Variants in MYO3B observed in about 807,000 individuals in gnomAD.
MYO3B encodes myosin-IIIb.
Under a neutral mutation model 174.6 loss-of-function variants are expected in MYO3B, and 156 were observed. The ratio of observed to expected loss-of-function variants is 0.89; its 90% CI spans 0.78 to 1.02. The LOEUF is 1.02. Among genes scored for constraint, MYO3B ranks in the 50% least tolerant of loss-of-function variants. The pLI is 0.00. For missense variants in MYO3B, 1,632 were observed against 1,639.4 expected (o/e 1.00, Z 0.08); for synonymous variants, 563 against 569.1 (o/e 0.99, Z 0.15).
chr2:170,478,070 C>T (rs890558367), intron 25 of MYO3B, among the ~76,000 whole-genome samples: 4 of 152,230 alleles, frequency 2.6e-5, no homozygotes, highest in African/African-American at 4.8e-5. Flanking sequence ...AAGGCAGCCA[C>T]GTCTCTACTA....
At chr2:170,415,056 A>G (rs977632601) in intron 22 of MYO3B, among the ~76,000 whole-genome samples, 6 of 152,084 alleles carry the variant, frequency 3.9e-5, no homozygotes, top group African/African-American at 1.4e-4. Context: ...TCCAATCTTA[A>G]TGCTTTTTAT....
At chr2:170,347,971 T>G (rs1308750925) in intron 8 of MYO3B, 1 of 152,214 alleles carries the variant, frequency 6.6e-6, no homozygotes, top group African/African-American at 2.4e-5. Context: ...ATATTTCATA[T>G]AAATGGAATC....
chr2:170,325,622 A>G (rs909280895), intron 7 of MYO3B, among the ~76,000 whole-genome samples: 5 of 152,208 alleles, frequency 3.3e-5, no homozygotes, highest in African/African-American at 1.2e-4. Context: ...ATGTATGCAG[A>G]TGGTGAGTTT....
In MYO3B at chr2:170,516,638, G is replaced by A. The variant is rs552249604; in HGVS notation, c.3472+1616G>A. 1.1e-4 allele frequency among the ~76,000 whole-genome samples: 14 copies of A among 125,568 alleles called. No homozygotes were observed. In the East Asian group the frequency reaches 2.5e-3, roughly 22 times the overall value. 82.4% of individuals were successfully genotyped at this position (125,568 alleles called of 152,430 possible). A position where few individuals can be genotyped will look rare whatever the true frequency, so the allele number is the denominator to read the frequency against. ...AGCCTGGGCAACAGAGCCAGACTCC[G>A]TCTCAAAAAAAAAAAAAAAAAATGT... On this transcript the variant is annotated intron_variant, in intron 29 of 34. Coordinates refer to ENST00000408978, the MANE Select transcript of MYO3B (RefSeq NM_138995.5).
chr2:170,465,035 T>TG (rs1235839069), intron 24 of MYO3B, among the ~76,000 whole-genome samples: 1 of 150,390 alleles, frequency 6.6e-6, no homozygotes. Flanking sequence ...CCTGGCAATT[T>TG]TTTTTTTTTG....
chr2:170,542,202 T>C (rs1427871214), intron 30 of MYO3B, among the ~76,000 whole-genome samples: 2 of 152,180 alleles, frequency 1.3e-5, no homozygotes, highest in Non-Finnish European at 2.9e-5. Context: ...TGGTTCCATC[T>C]GAAAGGCATT....
intron 25 of MYO3B, among the ~76,000 whole-genome samples, chr2:170,488,275 T>TTTTA (rs10684032): frequency 2.1e-4 from 32 of 151,448 alleles, no homozygotes; most frequent in East Asian, 5.8e-4. Context: ...GTAGCAGTGG[T>TTTTA]TTTATTTATT....
intron 32 of MYO3B, among the ~76,000 whole-genome samples, chr2:170,583,138 A>G (rs10188880): frequency 0.2 from 26,954 of 136,132 alleles, 4,956 homozygotes; most frequent in East Asian, 0.76. Context: ...ATTTGAGTGT[A>G]TTTATGTGTG....
chr2:170,246,480 T>C (rs1390666755), intron 7 of MYO3B, among the ~76,000 whole-genome samples: 1 of 151,536 alleles, frequency 6.6e-6, no homozygotes, highest in African/African-American at 2.4e-5. Flanking sequence ...AGTTGATCCT[T>C]AACCCAATGT....
chr2:170,283,883 A>T (rs2093533317), intron 7 of MYO3B, among the ~76,000 whole-genome samples: 1 of 152,236 alleles, frequency 6.6e-6, no homozygotes, highest in African/African-American at 2.4e-5. Flanking sequence ...ATGAGTGAAT[A>T]GGTGGATGAG....
At chr2:170,492,975 A>G (rs1686587482) in intron 25 of MYO3B, among the ~76,000 whole-genome samples, 1 of 152,202 alleles carries the variant, frequency 6.6e-6, no homozygotes. Flanking sequence ...CTTCATTTGC[A>G]CTAAAGAACA....
At chr2:170,258,206 C>T (rs1196008908) in intron 7 of MYO3B, among the ~76,000 whole-genome samples, 1 of 152,064 alleles carries the variant, frequency 6.6e-6, no homozygotes, top group Non-Finnish European at 1.5e-5. Flanking sequence ...ACAGACTCCT[C>T]CCTAACTTAT....
At chr2:170,346,065 C>T (rs927897774) in intron 8 of MYO3B, 1 of 152,080 alleles carries the variant, frequency 6.6e-6, no homozygotes, top group African/African-American at 2.4e-5. Context: ...GAAATTAATA[C>T]ACTCCATGAC....
chr2:170,421,107 G>C lies in MYO3B; in HGVS notation c.2650+13263G>C, dbSNP rs57430523. On this transcript the variant is annotated intron_variant, in intron 22 of 34. Transcript: ENST00000408978. ...CAGAGAGTCTTTCTGTCCAGATAGAGAGTGCGATTTGTGGACGGTTTCCTG... is the reference window on the plus strand; with the variant it reads ...CAGAGAGTCTTTCTGTCCAGATAGACAGTGCGATTTGTGGACGGTTTCCTG... 3.3e-3 allele frequency among the ~76,000 whole-genome samples: 502 copies of C among 152,284 alleles called. 1 individual carries two copies. The highest frequency in any genetic ancestry group is 0.012 in the African/African-American group (489 of 41,552).
chr2:170,339,473 T>C (rs1002496637), intron 8 of MYO3B, among the ~76,000 whole-genome samples: 69 of 152,126 alleles, frequency 4.5e-4, no homozygotes, highest in African/African-American at 1.5e-3. Context: ...TCTGAACAAG[T>C]TGGTCTGGCT....
chr2:170,633,383 C>T (rs1697187739), intron 32 of MYO3B, among the ~76,000 whole-genome samples: 1 of 152,192 alleles, frequency 6.6e-6, no homozygotes, highest in African/African-American at 2.4e-5. Context: ...ATGATTATCT[C>T]AACAGATGCA....
chr2:170,356,627 G>C (rs553709658), intron 8 of MYO3B, among the ~76,000 whole-genome samples: 1 of 152,102 alleles, frequency 6.6e-6, no homozygotes, highest in South Asian at 2.1e-4. Context: ...CTCCCAAAGT[G>C]CTGGGATTAC....
chr2:170,370,638 C>A (rs1003708604), intron 9 of MYO3B, among the ~76,000 whole-genome samples: 3 of 80,738 alleles, frequency 3.7e-5, no homozygotes, highest in Non-Finnish European at 5.2e-5. Context: ...CACACACACA[C>A]ACACACACAC....
At chr2:170,618,589 C>T (rs553449180) in intron 32 of MYO3B, among the ~76,000 whole-genome samples, 181 of 152,214 alleles carry the variant, frequency 1.2e-3, no homozygotes, top group African/African-American at 4.2e-3. Flanking sequence ...TGTTCCCAGG[C>T]AGATCAGCAG....
Sources: allele counts gnomAD v4.1 joint callset (sites outside exome capture counted in the v4.1 genomes callset), GRCh38; gene constraint gnomAD v4.1.1; transcripts MANE v1.5; gene names NCBI Gene and HGNC (gene_info 2026-07-23, HGNC 2026-07-21).